Variants in CYTH3 observed in about 807,000 individuals in gnomAD.
CYTH3 encodes the protein cytohesin 3.
Under a neutral mutation model 55.1 loss-of-function variants are expected in CYTH3, and 23 were observed. The ratio of observed to expected loss-of-function variants is 0.42; its 90% confidence interval spans 0.30 to 0.59. CYTH3 has a LOEUF of 0.59. Among genes scored for constraint, CYTH3 ranks in the 20% least tolerant of loss-of-function variants. The pLI is 0.20. For missense variants in CYTH3, 413 were observed against 524.8 expected (o/e 0.79, Z 2.08); for synonymous variants, 249 against 194.9 (o/e 1.28, Z -2.31).
At chr7:6,200,912 T>C (rs902636049) in intron 1 of CYTH3, among the ~76,000 whole-genome samples, 1 of 152,206 alleles carries the variant, frequency 6.6e-6, no homozygotes, top group Non-Finnish European at 1.5e-5. Flanking sequence ...CGTACCACCA[T>C]GCCCAGCTAA....
At chr7:6,193,307 C>T (rs567332269) in intron 1 of CYTH3, among the ~76,000 whole-genome samples, 1 of 150,008 alleles carries the variant, frequency 6.7e-6, no homozygotes, top group East Asian at 2.0e-4. Context: ...AAGAGACCTC[C>T]ATTAGGTTGC....
intron 1 of CYTH3, among the ~76,000 whole-genome samples, chr7:6,267,269 ACTT>A (rs1429821210): frequency 6.6e-6 from 1 of 152,192 alleles, no homozygotes; most frequent in African/African-American, 2.4e-5. Flanking sequence ...AGGCTCAGGT[ACTT>A]CTTTATAGCA....
intron 1 of CYTH3, among the ~76,000 whole-genome samples, chr7:6,245,642 C>G (rs1779793525): frequency 6.6e-6 from 1 of 152,214 alleles, no homozygotes; most frequent in South Asian, 2.1e-4. Flanking sequence ...TGGCAGCTCA[C>G]GCCTGTAATT....
intron 1 of CYTH3, among the ~76,000 whole-genome samples, chr7:6,190,772 C>T (rs571827511): frequency 2.5e-4 from 38 of 152,156 alleles, no homozygotes; most frequent in African/African-American, 9.2e-4. Context: ...AATAGAATCC[C>T]ATCCAACAAA....
At chr7:6,237,253 G>A (rs567009520) in intron 1 of CYTH3, among the ~76,000 whole-genome samples, 6 of 152,316 alleles carry the variant, frequency 3.9e-5, no homozygotes, top group South Asian at 4.1e-4. Context: ...CAACACTGCC[G>A]CAGGGAACAC....
intron 9 of CYTH3, among the ~76,000 whole-genome samples, chr7:6,168,108 C>G (rs1433229945): frequency 1.3e-5 from 2 of 152,168 alleles, no homozygotes; most frequent in African/African-American, 2.4e-5. Context: ...GCCACTTTCT[C>G]TCTGTAAGTT....
chr7:6,205,391 G>T (rs1169398258), intron 1 of CYTH3, among the ~76,000 whole-genome samples: 1 of 152,100 alleles, frequency 6.6e-6, no homozygotes, highest in East Asian at 1.9e-4. Flanking sequence ...TGGCCAACAT[G>T]GTAAAACCCC....
chr7:6,265,633 A>AAAG (rs1024109831), intron 1 of CYTH3, among the ~76,000 whole-genome samples: 60 of 149,606 alleles, frequency 4.0e-4, no homozygotes, highest in South Asian at 8.5e-4. Flanking sequence ...AAAAAAAAAA[A>AAAG]AAGAAGAAGA....
At chr7:6,231,998 G>C (rs1271316508) in intron 1 of CYTH3, among the ~76,000 whole-genome samples, 1 of 152,144 alleles carries the variant, frequency 6.6e-6, no homozygotes, top group African/African-American at 2.4e-5. Flanking sequence ...GCCCCCGTTT[G>C]CATCTGAGTT....
chr7:6,188,373 G>C (rs563214829), intron 2 of CYTH3, among the ~76,000 whole-genome samples: 1 of 151,432 alleles, frequency 6.6e-6, no homozygotes, highest in East Asian at 1.9e-4. Flanking sequence ...AAAAAGCCCA[G>C]CAAAAGGAAA....
At chr7:6,271,255 C>T (rs901616782) in intron 1 of CYTH3, among the ~76,000 whole-genome samples, 1 of 152,192 alleles carries the variant, frequency 6.6e-6, no homozygotes, top group South Asian at 2.1e-4. Flanking sequence ...TTCCCACCAT[C>T]CTGGCTGCAT....
At chr7:6,260,299 TTATAC>T (rs1780319902) in intron 1 of CYTH3, among the ~76,000 whole-genome samples, 1 of 152,184 alleles carries the variant, frequency 6.6e-6, no homozygotes, top group African/African-American at 2.4e-5. Flanking sequence ...CCAAAGTTAC[TTATAC>T]TAAGAGTGTG....
rs1783260210 is a variant in CYTH3, at chr7:6,173,659, G to A, written c.443C>T (p.Ala148Val). Residue 148 changes from alanine to valine, a missense_variant, in exon 6 of 13, where the codon GCC becomes GTC. Ala to Val is a moderately conservative substitution (Grantham distance 64). This residue lies in a region of CYTH3 where 156 missense variants were observed against 233.1 expected (regional missense o/e 0.67). Coordinates refer to ENST00000350796, the MANE Select transcript of CYTH3 (RefSeq NM_004227.4). ...AGCAAATGATCATACTTACCTTAAG[G>A]CTTGTACAAGGTTGAGATCAGCAAA... ...HEFADLNLVQALRQFLWSFRL... is the reference protein window; with the variant it reads ...HEFADLNLVQVLRQFLWSFRL... 1.2e-6 allele frequency: 2 copies of A among 1,605,080 alleles called. No homozygotes were observed. The highest frequency in any genetic ancestry group is 1.3e-5 in the African/African-American group (1 of 74,728).
At chr7:6,204,603 G>A (rs1313956047) in intron 1 of CYTH3, among the ~76,000 whole-genome samples, 1 of 152,160 alleles carries the variant, frequency 6.6e-6, no homozygotes, top group Non-Finnish European at 1.5e-5. Context: ...AGGTTCTGTG[G>A]ACCCCATCAC....
Position 6,164,890 on chromosome 7 carries a change from C to T in CYTH3, c.*54G>A, listed in dbSNP as rs950859003. On this transcript the variant is annotated 3_prime_UTR_variant, in exon 13 of 13. Transcript: ENST00000350796. ...ACGCCTTCCGCGGAGGGGCCGCCCG[C>T]GGTGTCTTTCTGCTGGGGTTGGGTC... 1.7e-5 allele frequency: 27 copies of T among 1,604,306 alleles called. No individual in the cohort carries two copies. In the East Asian group the frequency reaches 2.7e-4, roughly 16 times the overall value.
chr7:6,261,715 A>AAAAAC (rs1780359155), intron 1 of CYTH3, among the ~76,000 whole-genome samples: 1 of 148,318 alleles, frequency 6.7e-6, no homozygotes, highest in Non-Finnish European at 1.5e-5. Context: ...AAAAAAAAAA[A>AAAAAC]GGGCAAAGTG....
At chr7:6,241,117 T>C (rs1239880246) in intron 1 of CYTH3, among the ~76,000 whole-genome samples, 2 of 150,768 alleles carry the variant, frequency 1.3e-5, no homozygotes, top group African/African-American at 2.4e-5. Context: ...GTGAGACTCA[T>C]CTCAAAAAAA....
chr7:6,207,515 A>C (rs948801886), intron 1 of CYTH3, among the ~76,000 whole-genome samples: 1 of 152,208 alleles, frequency 6.6e-6, no homozygotes, highest in African/African-American at 2.4e-5. Flanking sequence ...CTGTAATCCC[A>C]GTACTTTGGG....
intron 1 of CYTH3, chr7:6,212,646 A>G (rs931017895): frequency 6.6e-6 from 1 of 152,200 alleles, no homozygotes; most frequent in African/African-American, 2.4e-5. Flanking sequence ...TTTAAAGATT[A>G]GTCAAATGCA....
Sources: allele counts gnomAD v4.1 joint callset (sites outside exome capture counted in the v4.1 genomes callset), GRCh38; gene constraint gnomAD v4.1.1; regional missense constraint gnomAD v4.1.1; transcripts MANE v1.5; gene names NCBI Gene and HGNC (gene_info 2026-07-23, HGNC 2026-07-21).